MOB3B: variants seen among roughly 807,000 people sequenced by gnomAD.
The protein encoded by MOB3B is MOB kinase activator-like 2B.
A neutral mutation model predicts 18.7 loss-of-function variants in MOB3B; 7 were observed. That is an observed-to-expected ratio of 0.37 (90% CI 0.21 to 0.70). MOB3B has a LOEUF of 0.70. MOB3B is among the 30% of genes least tolerant of loss of function. The pLI, the probability that MOB3B is intolerant of heterozygous loss-of-function variation, is 0.52. For missense variants in MOB3B, 253 were observed against 281.3 expected (o/e 0.90, Z 0.72); for synonymous variants, 111 against 99.9 (o/e 1.11, Z -0.66).
At chr9:27,408,128 G>A (rs1822014583) in intron 2 of MOB3B, among the ~76,000 whole-genome samples, 1 of 152,172 alleles carries the variant, frequency 6.6e-6, no homozygotes, top group South Asian at 2.1e-4. Flanking sequence ...AACAAACCAT[G>A]TGCCTCCGAA....
At chr9:27,477,525 G>A (rs556115449) in intron 1 of MOB3B, among the ~76,000 whole-genome samples, 1 of 152,352 alleles carries the variant, frequency 6.6e-6, no homozygotes, top group South Asian at 2.1e-4. Context: ...CAAAGACACA[G>A]TGTTATTTAT....
intron 2 of MOB3B, among the ~76,000 whole-genome samples, chr9:27,444,748 T>A (rs1390337818): frequency 1.3e-5 from 2 of 152,224 alleles, no homozygotes; most frequent in Non-Finnish European, 2.9e-5. Context: ...AAGAAATTTA[T>A]CTCAGTTTCC....
At chr9:27,416,601 G>A (rs1345089253) in intron 2 of MOB3B, among the ~76,000 whole-genome samples, 3 of 127,046 alleles carry the variant, frequency 2.4e-5, no homozygotes, top group Admixed American at 9.6e-5. Context: ...CATCTAGTCT[G>A]GAGTGGAATG....
intron 3 of MOB3B, among the ~76,000 whole-genome samples, chr9:27,354,689 C>T (rs1821159361): frequency 6.6e-6 from 1 of 152,194 alleles, no homozygotes; most frequent in South Asian, 2.1e-4. Context: ...ACATATTAAG[C>T]ATTTATTAGG....
intron 1 of MOB3B, among the ~76,000 whole-genome samples, chr9:27,506,274 G>A (rs764919649): frequency 6.6e-6 from 1 of 152,082 alleles, no homozygotes; most frequent in Non-Finnish European, 1.5e-5. Context: ...CCAATTAAGA[G>A]GCTTTTAATT....
intron 3 of MOB3B, among the ~76,000 whole-genome samples, chr9:27,334,650 A>T (rs1163292653): frequency 6.6e-6 from 1 of 152,182 alleles, no homozygotes; most frequent in Non-Finnish European, 1.5e-5. Context: ...ACCTCAGTGT[A>T]CCCATTTTTA....
At chr9:27,372,658 T>TA (rs897787983) in intron 2 of MOB3B, among the ~76,000 whole-genome samples, 5 of 151,946 alleles carry the variant, frequency 3.3e-5, no homozygotes, top group African/African-American at 4.8e-5. Context: ...TATCTAACCA[T>TA]AAAAAAAATC....
At chr9:27,398,711 A>G (rs1390443591) in intron 2 of MOB3B, among the ~76,000 whole-genome samples, 2 of 152,246 alleles carry the variant, frequency 1.3e-5, no homozygotes, top group African/African-American at 4.8e-5. Context: ...ACTGTGACGC[A>G]GAAATACTGA....
chr9:27,505,290 C>T (rs1175027798), intron 1 of MOB3B, among the ~76,000 whole-genome samples: 2 of 152,132 alleles, frequency 1.3e-5, no homozygotes, highest in Non-Finnish European at 2.9e-5. Flanking sequence ...TAGACCTCCC[C>T]GGGAAAGGGC....
At chr9:27,490,469 T>G (rs1195876530) in intron 1 of MOB3B, among the ~76,000 whole-genome samples, 1 of 152,234 alleles carries the variant, frequency 6.6e-6, no homozygotes, top group Non-Finnish European at 1.5e-5. Context: ...AAGAAGAGTT[T>G]CCCACAGGAG....
intron 1 of MOB3B, among the ~76,000 whole-genome samples, chr9:27,481,501 TTTTTTTTTTG>T (rs1314183107): frequency 5.0e-4 from 42 of 83,452 alleles, no homozygotes; most frequent in Admixed American, 1.4e-3. Flanking sequence ...AAGGTAGTTT[TTTTTTTTTTG>T]TTTTTTTTGT....
chr9:27,327,684 G>T lies in MOB3B; in HGVS notation c.*2903C>A, dbSNP rs1240011914. 2 of 152,052 alleles carry T rather than the reference G, an allele frequency of 1.3e-5. No individual in the cohort carries two copies. The highest frequency in any genetic ancestry group is 1.9e-4 in the East Asian group (1 of 5,190). The allele number at this position is 152,052 out of a possible 1,614,324, so 9.4% of individuals were successfully genotyped here. ...CAACTACATATAACGTATAATTCTT[G>T]ATTGGATCCTGGATTTAAAAATAAA... On this transcript the variant is annotated 3_prime_UTR_variant, in exon 4 of 4. Transcript: ENST00000262244.
At chr9:27,356,102 C>G (rs1488054147) in intron 3 of MOB3B, among the ~76,000 whole-genome samples, 1 of 152,120 alleles carries the variant, frequency 6.6e-6, no homozygotes, top group Admixed American at 6.5e-5. Flanking sequence ...CAGAAACATT[C>G]TTAATATCTA....
intron 2 of MOB3B, among the ~76,000 whole-genome samples, chr9:27,384,104 T>C (rs558135505): frequency 2.0e-5 from 3 of 152,098 alleles, no homozygotes; most frequent in African/African-American, 7.2e-5. Context: ...ATAGAAACTT[T>C]GGGGAATATT....
intron 1 of MOB3B, among the ~76,000 whole-genome samples, chr9:27,459,105 T>C (rs1035750014): frequency 6.6e-6 from 1 of 151,792 alleles, no homozygotes; most frequent in African/African-American, 2.4e-5. Flanking sequence ...CACCCATCTG[T>C]GTCTTTTCCT....
At chr9:27,407,016 A>G (rs548612396) in intron 2 of MOB3B, among the ~76,000 whole-genome samples, 2 of 151,972 alleles carry the variant, frequency 1.3e-5, no homozygotes, top group South Asian at 4.2e-4. Flanking sequence ...TTTTTGTATT[A>G]TTATTAGCGA....
chr9:27,393,602 T>G (rs1010837600), intron 2 of MOB3B, among the ~76,000 whole-genome samples: 6 of 152,190 alleles, frequency 3.9e-5, no homozygotes, highest in Admixed American at 3.9e-4. Context: ...AGTTCACACA[T>G]GGCTCTGCAA....
At chr9:27,403,915 T>C (rs906161393) in intron 2 of MOB3B, among the ~76,000 whole-genome samples, 12 of 152,204 alleles carry the variant, frequency 7.9e-5, no homozygotes, top group African/African-American at 2.4e-5. Flanking sequence ...CTCAAGAATA[T>C]ATCATTTCTG....
At chr9:27,523,633 T>C (rs1275340025) in intron 1 of MOB3B, among the ~76,000 whole-genome samples, 3 of 152,204 alleles carry the variant, frequency 2.0e-5, no homozygotes, top group Non-Finnish European at 4.4e-5. Context: ...AAAGGATATT[T>C]AGAGATTATC....
Sources: gnomAD v4.1 joint callset for allele counts (sites outside exome capture counted in the v4.1 genomes callset) on GRCh38, gnomAD v4.1.1 for gene constraint, MANE v1.5 for transcripts, NCBI Gene and HGNC (gene_info 2026-07-23, HGNC 2026-07-21) for gene names.